The following EPHA6 variants were observed in gnomAD, a reference collection of about 807,000 sequenced individuals.
The protein encoded by EPHA6 is EPH receptor A6.
EPHA6 carries 50 observed loss-of-function variants against 112.0 expected under a neutral mutation model. That is an observed-to-expected ratio of 0.45 (90% CI 0.36 to 0.56). The LOEUF (loss-of-function observed/expected upper bound fraction) is 0.56. EPHA6 is among the 20% of genes least tolerant of loss of function. The pLI is 0.00. For synonymous variants in EPHA6, 529 were observed against 490.7 expected (o/e 1.08, Z -1.03); for missense variants, 1,280 against 1,417.4 (o/e 0.90, Z 1.56).
At chr3:97,167,334 C>G (rs1451326503) in intron 3 of EPHA6, among the ~76,000 whole-genome samples, 1 of 152,038 alleles carries the variant, frequency 6.6e-6, no homozygotes, top group Non-Finnish European at 1.5e-5. Flanking sequence ...CAGACGGTGC[C>G]CAGCTTTCCT....
chr3:97,746,976 A>C (rs1306509155), intron 16 of EPHA6, among the ~76,000 whole-genome samples: 1 of 151,938 alleles, frequency 6.6e-6, no homozygotes, highest in Non-Finnish European at 1.5e-5. Context: ...GTAGAAAAGG[A>C]CATGGATTCA....
intron 14 of EPHA6, among the ~76,000 whole-genome samples, chr3:97,675,794 C>T (rs1046924496): frequency 9.2e-5 from 14 of 151,964 alleles, no homozygotes; most frequent in Admixed American, 2.6e-4. Context: ...AGATGTCAGC[C>T]TGTAGTCTTT....
intron 13 of EPHA6, among the ~76,000 whole-genome samples, chr3:97,615,273 C>T (rs1055960591): frequency 3.3e-5 from 5 of 152,130 alleles, no homozygotes; most frequent in Admixed American, 2.6e-4. Context: ...ACCCACTCCA[C>T]CAGGGTTTTC....
chr3:97,281,051 T>C (rs2080266898), intron 5 of EPHA6, among the ~76,000 whole-genome samples: 1 of 152,250 alleles, frequency 6.6e-6, no homozygotes, highest in African/African-American at 2.4e-5. Flanking sequence ...TTAAGTAAAC[T>C]TCTTTGTTAT....
chr3:97,694,993 T>C (rs2032938963), intron 14 of EPHA6, among the ~76,000 whole-genome samples: 1 of 152,218 alleles, frequency 6.6e-6, no homozygotes, highest in Non-Finnish European at 1.5e-5. Flanking sequence ...TGTGTTTTTT[T>C]CCTGAGGAAG....
chr3:96,881,701 A>G (rs1576225403), intron 2 of EPHA6, among the ~76,000 whole-genome samples: 1 of 152,224 alleles, frequency 6.6e-6, no homozygotes, highest in Non-Finnish European at 1.5e-5. Flanking sequence ...AAAAGTGCAG[A>G]GTCCAAAGTC....
intron 7 of EPHA6, among the ~76,000 whole-genome samples, chr3:97,469,325 A>G (rs1313932240): frequency 1.3e-5 from 2 of 151,620 alleles, no homozygotes; most frequent in African/African-American, 4.8e-5. Flanking sequence ...TCCCCAACCT[A>G]TCTTCTAATC....
chr3:97,714,609 C>T (rs945389366), intron 14 of EPHA6, among the ~76,000 whole-genome samples: 2 of 152,126 alleles, frequency 1.3e-5, no homozygotes, highest in South Asian at 2.1e-4. Context: ...AAGTGATGCA[C>T]GAGAGATGGA....
At chr3:97,431,543 T>C (rs927138737) in intron 6 of EPHA6, among the ~76,000 whole-genome samples, 7 of 152,130 alleles carry the variant, frequency 4.6e-5, no homozygotes, top group African/African-American at 1.7e-4. Context: ...TATTTCCATA[T>C]GTCCCTTGAT....
intron 5 of EPHA6, among the ~76,000 whole-genome samples, chr3:97,269,748 A>C (rs1344890662): frequency 2.0e-5 from 3 of 151,780 alleles, no homozygotes; most frequent in Non-Finnish European, 4.4e-5. Context: ...CTTGCATATC[A>C]GTCATTCTCT....
chr3:97,185,756 A>T (rs1271553741), intron 3 of EPHA6, among the ~76,000 whole-genome samples: 2 of 152,108 alleles, frequency 1.3e-5, no homozygotes, highest in Admixed American at 1.3e-4. Flanking sequence ...ATAAAGACAC[A>T]TGCACACGTA....
intron 2 of EPHA6, among the ~76,000 whole-genome samples, chr3:96,931,698 C>T (rs1325559264): frequency 3.3e-5 from 5 of 152,248 alleles, no homozygotes; most frequent in Admixed American, 2.6e-4. Context: ...CTGGGAGCTC[C>T]TTCCCCTCTC....
At chr3:97,441,471 A>G in intron 6 of EPHA6, 1 of 964,530 alleles carries the variant, frequency 1.0e-6, no homozygotes, top group South Asian at 4.8e-5. Context: ...TCTGCCAAAA[A>G]TGTAAGTCAG....
chr3:96,834,989 T>G (rs1276600854), intron 1 of EPHA6, among the ~76,000 whole-genome samples: 1 of 152,102 alleles, frequency 6.6e-6, no homozygotes, highest in Non-Finnish European at 1.5e-5. Context: ...CAATTTAGTC[T>G]TTATTTCATT....
intron 3 of EPHA6, among the ~76,000 whole-genome samples, chr3:97,021,286 A>T (rs918755759): frequency 3.3e-5 from 5 of 152,122 alleles, no homozygotes; most frequent in Non-Finnish European, 5.9e-5. Flanking sequence ...TTTATCTTTA[A>T]AATAATATCC....
intron 5 of EPHA6, among the ~76,000 whole-genome samples, chr3:97,355,350 A>G (rs1473630473): frequency 2.0e-5 from 3 of 152,192 alleles, no homozygotes; most frequent in Non-Finnish European, 4.4e-5. Context: ...TAGAAACAAG[A>G]AACAGTTCAA....
chr3:97,258,730 T>C (rs2079399190), intron 5 of EPHA6, among the ~76,000 whole-genome samples: 1 of 152,160 alleles, frequency 6.6e-6, no homozygotes, highest in Non-Finnish European at 1.5e-5. Flanking sequence ...AAACTGTTAC[T>C]ATCCAGCTGT....
intron 10 of EPHA6, 42 bp downstream of exon 10, chr3:97,484,101 T>C: frequency 6.4e-7 from 1 of 1,556,480 alleles, no homozygotes; most frequent in African/African-American, 1.4e-5. Context: ...CATTCCTTAA[T>C]TTCTTTGTAA....
At chr3:97,509,201 G>T (rs1160671931) in intron 10 of EPHA6, among the ~76,000 whole-genome samples, 2 of 151,386 alleles carry the variant, frequency 1.3e-5, no homozygotes, top group African/African-American at 4.9e-5. Flanking sequence ...GGGTAATATT[G>T]CTATGCGTGA....
Sources: gnomAD v4.1 joint callset for allele counts (sites outside exome capture counted in the v4.1 genomes callset) on GRCh38, gnomAD v4.1.1 for gene constraint, MANE v1.5 for transcripts, NCBI Gene and HGNC (gene_info 2026-07-23, HGNC 2026-07-21) for gene names.